The following ANOS1 variants were observed in gnomAD, a reference collection of about 807,000 sequenced individuals.
The protein encoded by ANOS1 is anosmin-1.
A neutral mutation model predicts 59.0 loss-of-function variants in ANOS1; 6 were observed. That is an observed-to-expected ratio of 0.10 (90% confidence interval 0.06 to 0.20). ANOS1 has a LOEUF of 0.20. ANOS1 is among the 10% of genes least tolerant of loss of function. The probability of loss-of-function intolerance (pLI) is 1.00; values close to 1 mark genes in which losing one functional copy is unlikely to be tolerated. For synonymous variants in ANOS1, 217 were observed against 223.4 expected (o/e 0.97, Z 0.25); for missense variants, 433 against 542.3 (o/e 0.80, Z 2.00).
intron 3 of ANOS1, among the ~76,000 whole-genome samples, chrX:8,618,060 G>C (rs1269718270): frequency 9.0e-6 from 1 of 111,679 alleles, no homozygotes; most frequent in Non-Finnish European, 1.9e-5. Flanking sequence ...AACCAACCAT[G>C]TGATCTTGGA....
intron 1 of ANOS1, among the ~76,000 whole-genome samples, chrX:8,703,961 C>T (rs1233891060): frequency 1.8e-5 from 2 of 111,683 alleles, no homozygotes; most frequent in African/African-American, 6.5e-5. Context: ...TGAATTGTAG[C>T]TCCCACAATT....
At chrX:8,628,690 A>G (rs1353100560) in intron 2 of ANOS1, among the ~76,000 whole-genome samples, 1 of 112,650 alleles carries the variant, frequency 8.9e-6, no homozygotes, top group Non-Finnish European at 1.9e-5. Flanking sequence ...TTATATTTTT[A>G]GCAAAGGTTT....
At chrX:8,560,519 A>G (rs1569048624) in intron 8 of ANOS1, among the ~76,000 whole-genome samples, 2 of 112,612 alleles carry the variant, frequency 1.8e-5, no homozygotes, top group African/African-American at 6.5e-5. Context: ...TATATAAATG[A>G]CATGTAAGCA....
chrX:8,565,617 G>C (rs1375518597), intron 8 of ANOS1, among the ~76,000 whole-genome samples: 3 of 112,552 alleles, frequency 2.7e-5, no homozygotes, highest in African/African-American at 9.7e-5. Flanking sequence ...GAACTGGACA[G>C]ATTCCATATG....
At chrX:8,564,618 G>T (rs187045268) in intron 8 of ANOS1, among the ~76,000 whole-genome samples, 77 of 112,274 alleles carry the variant, frequency 6.9e-4, no homozygotes, top group Non-Finnish European at 8.1e-4. Context: ...GTGGATGCAG[G>T]TATCTGAGTT....
chrX:8,691,203 A>C (rs2146893277), intron 2 of ANOS1, among the ~76,000 whole-genome samples: 1 of 109,176 alleles, frequency 9.2e-6, no homozygotes, highest in African/African-American at 3.3e-5. Context: ...CCTCCTGAGT[A>C]GCTGGGATTA....
At chrX:8,721,055 A>G (rs1444844014) in intron 1 of ANOS1, among the ~76,000 whole-genome samples, 1 of 112,072 alleles carries the variant, frequency 8.9e-6, no homozygotes, top group African/African-American at 3.2e-5. Flanking sequence ...TATTGGTTAG[A>G]AGAATGAATT....
chrX:8,712,031 G>A (rs1274641828), intron 1 of ANOS1, among the ~76,000 whole-genome samples: 1 of 112,040 alleles, frequency 8.9e-6, no homozygotes, highest in African/African-American at 3.2e-5. Context: ...TGTTTCCTAC[G>A]GCTGCCATGA....
At chrX:8,545,705 G>T (rs1929762638) in intron 9 of ANOS1, among the ~76,000 whole-genome samples, 1 of 111,718 alleles carries the variant, frequency 9.0e-6, no homozygotes, top group African/African-American at 3.2e-5. Context: ...AACTGAAACT[G>T]TCTCTGAAAA....
intron 8 of ANOS1, among the ~76,000 whole-genome samples, chrX:8,554,857 C>G (rs1395481968): frequency 9.1e-6 from 1 of 110,267 alleles, no homozygotes; most frequent in East Asian, 2.9e-4. Flanking sequence ...AGGACTTGAA[C>G]TCAGCTCTGG....
chrX:8,698,177 C>A (rs1932711499), intron 2 of ANOS1, among the ~76,000 whole-genome samples: 1 of 112,058 alleles, frequency 8.9e-6, no homozygotes, highest in Non-Finnish European at 1.9e-5. Context: ...TGCTTTCTGA[C>A]AAAAAGGATT....
At chrX:8,596,249 C>T (rs1012104363) in intron 4 of ANOS1, among the ~76,000 whole-genome samples, 1 of 111,265 alleles carries the variant, frequency 9.0e-6, no homozygotes, top group Admixed American at 9.6e-5. Flanking sequence ...TTCCATGAAA[C>T]CAGTCCCTGT....
intron 1 of ANOS1, among the ~76,000 whole-genome samples, chrX:8,707,423 G>A (rs753995151): frequency 1.8e-5 from 2 of 111,972 alleles, no homozygotes; most frequent in East Asian, 2.8e-4. Flanking sequence ...TTCCTATGAT[G>A]TAAATGTCCA....
intron 3 of ANOS1, among the ~76,000 whole-genome samples, chrX:8,615,648 AT>A (rs2146840617): frequency 9.0e-6 from 1 of 111,412 alleles, no homozygotes; most frequent in South Asian, 3.8e-4. Flanking sequence ...GGTCACCCTG[AT>A]TCCTGTTGCA....
chrX:8,568,327 A>G lies in ANOS1; in HGVS notation c.1112T>C (p.Val371Ala), dbSNP rs1930157931. The G allele has an allele frequency of 8.3e-7, 1 of 1,209,538 alleles. No homozygotes were observed. Among genetic ancestry groups the G allele is most frequent in the Admixed American group, 2.2e-5 (1 of 45,988 alleles). Reference protein sequence around the residue: ...LEKLQPDCDYVVELQAITYWG... With the variant: ...LEKLQPDCDYAVELQAITYWG... ...GTACGTTATGGCTTGCAATTCCACA[A>G]CATAGTCACAGTCTGGCTGGAGTTT... Residue 371 changes from valine (V) to alanine (A), a missense_variant, in exon 8 of 14, where the codon GTT becomes GCT. Transcript: ENST00000262648.
intron 2 of ANOS1, among the ~76,000 whole-genome samples, chrX:8,686,175 G>A (rs1186286463): frequency 1.8e-5 from 2 of 112,240 alleles, no homozygotes; most frequent in Non-Finnish European, 3.8e-5. Flanking sequence ...TATGAATATA[G>A]ATGTCTTGTC....
chrX:8,712,496 T>C (rs918971571), intron 1 of ANOS1, among the ~76,000 whole-genome samples: 1 of 112,541 alleles, frequency 8.9e-6, no homozygotes, highest in African/African-American at 3.2e-5. Context: ...TACTACATTG[T>C]TTCAGCCACA....
At chrX:8,586,671 C>T (rs1215437679) in intron 5 of ANOS1, among the ~76,000 whole-genome samples, 3 of 111,055 alleles carry the variant, frequency 2.7e-5, no homozygotes, top group Non-Finnish European at 5.7e-5. Context: ...GAAAGCATGC[C>T]GTGTAAATCA....
intron 6 of ANOS1, among the ~76,000 whole-genome samples, chrX:8,576,265 T>G (rs936897592): frequency 5.4e-5 from 6 of 111,366 alleles, no homozygotes; most frequent in Non-Finnish European, 9.4e-5. Context: ...TTCTCTAATC[T>G]GAAGCATTTT....
Sources: allele counts gnomAD v4.1 joint callset (sites outside exome capture counted in the v4.1 genomes callset), GRCh38; gene constraint gnomAD v4.1.1; transcripts MANE v1.5; gene names NCBI Gene and HGNC (gene_info 2026-07-23, HGNC 2026-07-21).